Variants in APBB2 observed in about 807,000 individuals in gnomAD.
APBB2 encodes the protein amyloid beta precursor protein binding family B member 2, also known as Fe65-like 1.
A neutral mutation model predicts 82.5 loss-of-function variants in APBB2; 38 were observed. The observed-to-expected ratio is 0.46, with a 90% CI of 0.36 to 0.60. The LOEUF is 0.60. Ranked by LOEUF, APBB2 falls within the 20% of genes least tolerant of loss-of-function variation. The pLI, the probability that APBB2 is intolerant of heterozygous loss-of-function variation, is 0.00. For missense variants in APBB2, 772 were observed against 972.3 expected, an observed-to-expected ratio of 0.79 and a Z score of 2.74; for synonymous variants, 341 against 368.2, an observed-to-expected ratio of 0.93 and a Z score of 0.85.
chr4:41,080,563 C>T (rs921363149), intron 3 of APBB2, among the ~76,000 whole-genome samples: 1 of 152,086 alleles, frequency 6.6e-6, no homozygotes, highest in Admixed American at 6.6e-5. Context: ...AAGCTTGATG[C>T]CTGCATATAA....
chr4:41,025,802 C>G (rs1713799775), intron 5 of APBB2, among the ~76,000 whole-genome samples: 2 of 149,192 alleles, frequency 1.3e-5, no homozygotes, highest in South Asian at 4.3e-4. Flanking sequence ...GCCTATAATC[C>G]CAGCTAGTTG....
chr4:41,022,243 A>T (rs1711883221), intron 5 of APBB2, among the ~76,000 whole-genome samples: 1 of 152,140 alleles, frequency 6.6e-6, no homozygotes, highest in Non-Finnish European at 1.5e-5. Context: ...CACCCACAAA[A>T]ATACTTCTAA....
At chr4:40,968,959 G>A (rs995731689) in intron 6 of APBB2, among the ~76,000 whole-genome samples, 62 of 152,116 alleles carry the variant, frequency 4.1e-4, no homozygotes, top group African/African-American at 9.7e-4. Context: ...GTCTCACAAG[G>A]TCTGGTGGTT....
At chr4:40,861,816 CT>C (rs1560731554) in intron 12 of APBB2, among the ~76,000 whole-genome samples, 1 of 54,588 alleles carries the variant, frequency 1.8e-5, no homozygotes, top group Non-Finnish European at 3.5e-5. Flanking sequence ...CTATTGTTTT[CT>C]TTTTTCTTTC....
intron 6 of APBB2, among the ~76,000 whole-genome samples, chr4:40,978,904 A>G (rs550100448): frequency 4.6e-5 from 7 of 150,770 alleles, no homozygotes; most frequent in African/African-American, 1.7e-4. Context: ...CTGCAGATTA[A>G]TAAGAGTACT....
intron 1 of APBB2, among the ~76,000 whole-genome samples, chr4:41,186,822 G>A (rs1014672632): frequency 1.3e-5 from 2 of 152,120 alleles, no homozygotes; most frequent in African/African-American, 4.8e-5. Context: ...GGTATTAATC[G>A]ATAAACATGC....
rs1744206449 is a variant in APBB2, at chr4:40,810,575, C to A, written c.*5517G>T. The A allele has an allele frequency of 1.6e-5, 1 of 61,108 alleles. No individual in the cohort carries two copies. Among genetic ancestry groups the A allele is most frequent in the African/African-American group, 6.6e-5 (1 of 15,234 alleles). The allele number at this position is 61,108 out of a possible 1,614,324, so 3.8% of individuals were successfully genotyped here. On this transcript the variant is annotated 3_prime_UTR_variant, in exon 18 of 18. Coordinates refer to ENST00000508593, the MANE Select transcript of APBB2 (RefSeq NM_004307.2). ...CCTGGGAAGCAGAGTGAGACCTTGCCTCAAAAAAAAAAAAAAAAAAAAAAA... is the reference window on the plus strand; with the variant it reads ...CCTGGGAAGCAGAGTGAGACCTTGCATCAAAAAAAAAAAAAAAAAAAAAAA...
chr4:40,968,323 G>T (rs966794399), intron 6 of APBB2, among the ~76,000 whole-genome samples: 2 of 152,088 alleles, frequency 1.3e-5, no homozygotes, highest in African/African-American at 4.8e-5. Context: ...AAAGTACAGT[G>T]CTCGTAGATG....
intron 2 of APBB2, among the ~76,000 whole-genome samples, chr4:41,137,736 A>G (rs1446875381): frequency 6.6e-6 from 1 of 152,198 alleles, no homozygotes; most frequent in African/African-American, 2.4e-5. Context: ...TTTTCTACAA[A>G]AAAAGTCAAG....
At chr4:41,019,952 C>T (rs965411462) in intron 5 of APBB2, among the ~76,000 whole-genome samples, 11 of 147,936 alleles carry the variant, frequency 7.4e-5, no homozygotes, top group Non-Finnish European at 1.0e-4. Context: ...GACAAGGAGT[C>T]GAAGAGAGAG....
intron 4 of APBB2, among the ~76,000 whole-genome samples, chr4:41,046,180 T>C (rs1459399000): frequency 6.6e-6 from 1 of 152,152 alleles, no homozygotes; most frequent in African/African-American, 2.4e-5. Flanking sequence ...TAAGAAAGAC[T>C]AGGTTTAGAG....
intron 10 of APBB2, among the ~76,000 whole-genome samples, chr4:40,902,810 A>G (rs1447958279): frequency 6.6e-6 from 1 of 151,498 alleles, no homozygotes; most frequent in Non-Finnish European, 1.5e-5. Flanking sequence ...GATTACAGGC[A>G]TGGGCCACCC....
chr4:40,999,893 TG>T (rs897776177), intron 6 of APBB2, among the ~76,000 whole-genome samples: 3 of 151,976 alleles, frequency 2.0e-5, no homozygotes, highest in African/African-American at 7.3e-5. Flanking sequence ...AACTTATTTC[TG>T]GGGCTTAACA....
In APBB2 at chr4:40,945,064, CATAT is replaced by C; in HGVS notation, c.841_844del (p.Ile281GlyfsTer58). The C allele has an allele frequency of 7.5e-7, 1 of 1,329,924 alleles. No homozygotes were observed. The allele number at this position is 1,329,924 out of a possible 1,614,324, so 82.4% of individuals were successfully genotyped here. On this transcript the variant is annotated frameshift_variant, in exon 7 of 18. Coordinates refer to ENST00000508593, the MANE Select transcript of APBB2 (RefSeq NM_004307.2). LOFTEE classifies it high-confidence loss of function. ...ATCAGTCTGAAATGAGTGATCACTCCATATATCTGCTGAAAAATTGGGGGGCGGG... is the reference window on the plus strand; with the variant it reads ...ATCAGTCTGAAATGAGTGATCACTCCATCTGCTGAAAAATTGGGGGGCGGG...
At chr4:41,186,511 T>C (rs1772950727) in intron 1 of APBB2, among the ~76,000 whole-genome samples, 1 of 152,208 alleles carries the variant, frequency 6.6e-6, no homozygotes, top group Non-Finnish European at 1.5e-5. Context: ...AAATACAATG[T>C]GTCAACCCTT....
chr4:41,183,055 A>G (rs1771870346), intron 1 of APBB2, among the ~76,000 whole-genome samples: 1 of 152,178 alleles, frequency 6.6e-6, no homozygotes, highest in Non-Finnish European at 1.5e-5. Flanking sequence ...AGTAAATGGC[A>G]ATTCCATTCT....
intron 3 of APBB2, among the ~76,000 whole-genome samples, chr4:41,065,960 T>C (rs557270731): frequency 1.3e-5 from 2 of 152,056 alleles, no homozygotes; most frequent in African/African-American, 2.4e-5. Context: ...CCATCAAAAG[T>C]CCAGGCAATC....
Position 40,813,693 on chromosome 4 carries a change from C to T in APBB2, c.*2399G>A, listed in dbSNP as rs547599100. The stretch of plus-strand genomic sequence containing the variant: ...TGCTACTTAAAGCTAGCTCAGAATT[C>T]TTGATCTTGAAAACAAGCAAATGTA... On this transcript the variant is annotated 3_prime_UTR_variant, in exon 18 of 18. Coordinates refer to ENST00000508593, the MANE Select transcript of APBB2 (RefSeq NM_004307.2). The T allele has an allele frequency of 6.6e-6, 1 of 152,244 alleles. No individual in the cohort carries two copies. The highest frequency in any genetic ancestry group is 2.4e-5 in the African/African-American group (1 of 41,556). The allele number at this position is 152,244 out of a possible 1,614,324, so 9.4% of individuals were successfully genotyped here.
chr4:41,088,274 G>A (rs909845157), intron 3 of APBB2, among the ~76,000 whole-genome samples: 2 of 152,114 alleles, frequency 1.3e-5, no homozygotes, highest in African/African-American at 4.8e-5. Flanking sequence ...TATTACCTTA[G>A]TCTGTTGGTG....
Sources: gnomAD v4.1 joint callset for allele counts (sites outside exome capture counted in the v4.1 genomes callset) on GRCh38, gnomAD v4.1.1 for gene constraint, MANE v1.5 for transcripts, NCBI Gene and HGNC (gene_info 2026-07-23, HGNC 2026-07-21) for gene names.